Variants in KIF5C observed in about 807,000 individuals in gnomAD.
KIF5C encodes kinesin family member 5C.
Under a neutral mutation model 125.2 loss-of-function variants are expected in KIF5C, and 18 were observed. The observed-to-expected ratio is 0.14, with a 90% CI of 0.10 to 0.21. KIF5C has a LOEUF of 0.21. Among genes scored for constraint, KIF5C ranks in the 10% least tolerant of loss-of-function variants. KIF5C has a pLI of 1.00. For missense variants in KIF5C, 780 were observed against 1,183.8 expected, an observed-to-expected ratio of 0.66 and a Z score of 5.01; for synonymous variants, 405 against 434.0, an observed-to-expected ratio of 0.93 and a Z score of 0.83.
intron 12 of KIF5C, among the ~76,000 whole-genome samples, chr2:148,975,550 C>T (rs1681037030): frequency 6.6e-6 from 1 of 152,188 alleles, no homozygotes; most frequent in Admixed American, 6.5e-5. Flanking sequence ...ATTTTGCCCT[C>T]AGCCCTTTAA....
chr2:148,949,079 G>A (rs933156575), intron 8 of KIF5C, among the ~76,000 whole-genome samples: 8 of 152,042 alleles, frequency 5.3e-5, no homozygotes, highest in South Asian at 4.1e-4. Context: ...CCCCTGCATC[G>A]TTTGTCCAGT....
intron 16 of KIF5C, among the ~76,000 whole-genome samples, chr2:148,992,649 T>C (rs1681557493): frequency 6.6e-6 from 1 of 152,120 alleles, no homozygotes; most frequent in South Asian, 2.1e-4. Context: ...AAAATGAAAA[T>C]GCTGAGTTGG....
At chr2:148,929,788 A>G (rs1035175783) in intron 3 of KIF5C, among the ~76,000 whole-genome samples, 7 of 152,164 alleles carry the variant, frequency 4.6e-5, no homozygotes, top group African/African-American at 1.7e-4. Flanking sequence ...TTCAGCCCAC[A>G]GACATATTTT....
intron 11 of KIF5C, among the ~76,000 whole-genome samples, chr2:148,966,135 C>T (rs959722717): frequency 3.3e-5 from 5 of 152,154 alleles, no homozygotes; most frequent in African/African-American, 1.2e-4. Flanking sequence ...TCTAAACTTA[C>T]AGAAGGTGGC....
At chr2:148,997,386 C>T in intron 18 of KIF5C, 46 bp downstream of exon 18, 1 of 1,612,868 alleles carries the variant, frequency 6.2e-7, no homozygotes, top group Non-Finnish European at 8.5e-7. Context: ...GCATTTGATG[C>T]ATTTGGATTG....
intron 7 of KIF5C, among the ~76,000 whole-genome samples, chr2:148,943,355 A>G (rs978813417): frequency 1.3e-5 from 2 of 152,202 alleles, no homozygotes; most frequent in African/African-American, 4.8e-5. Flanking sequence ...TCAGGGAAGC[A>G]GTGCATATGG....
At chr2:148,975,744 A>G (rs1681044530) in intron 12 of KIF5C, among the ~76,000 whole-genome samples, 3 of 152,228 alleles carry the variant, frequency 2.0e-5, no homozygotes, top group Non-Finnish European at 2.9e-5. Flanking sequence ...ACCTGTAACA[A>G]TGACACTGAG....
At chr2:148,942,580 C>T (rs1450616948) in intron 6 of KIF5C, 93 bp from the exon 7 acceptor site, 61 of 1,532,690 alleles carry the variant, frequency 4.0e-5, no homozygotes, top group Non-Finnish European at 5.3e-5. Flanking sequence ...TTATCTGCAC[C>T]TCTAGAAGAT....
At chr2:148,971,631 A>G (rs1680912339) in intron 11 of KIF5C, among the ~76,000 whole-genome samples, 1 of 152,228 alleles carries the variant, frequency 6.6e-6, no homozygotes, top group Admixed American at 6.5e-5. Context: ...GGTTGGCTCA[A>G]TTTTGTATTC....
intron 10 of KIF5C, among the ~76,000 whole-genome samples, chr2:148,953,308 C>T (rs139330987): frequency 1.1e-4 from 16 of 152,356 alleles, no homozygotes; most frequent in Admixed American, 3.3e-4. Context: ...GATGCCATTA[C>T]GTCCAGAAGT....
intron 25 of KIF5C, among the ~76,000 whole-genome samples, chr2:149,020,633 G>A (rs1682505869): frequency 6.6e-6 from 1 of 152,132 alleles, no homozygotes; most frequent in South Asian, 2.1e-4. Flanking sequence ...ACAATCCAAG[G>A]TATGTGCTGG....
At chr2:148,983,412 A>T (rs1229488237) in intron 14 of KIF5C, among the ~76,000 whole-genome samples, 1 of 152,240 alleles carries the variant, frequency 6.6e-6, no homozygotes, top group Non-Finnish European at 1.5e-5. Context: ...CATATAATGT[A>T]TCAGGCCATG....
chr2:148,934,860 C>G lies in KIF5C; in HGVS notation c.292-2424C>G, dbSNP rs149311196. 1.4e-3 allele frequency among the ~76,000 whole-genome samples: 215 copies of G among 152,036 alleles called. 1 individual carries two copies. Among genetic ancestry groups the G allele is most frequent in the African/African-American group, 5.0e-3 (206 of 41,480 alleles). ...ATATCACACACAGACATATACTACA[C>G]ACATCACACATCCATATGCTCCCCT... On this transcript the variant is annotated intron_variant, in intron 3 of 25. Coordinates refer to ENST00000435030, the MANE Select transcript of KIF5C (RefSeq NM_004522.3).
At chr2:149,021,830 C>T (rs1364960105) in intron 25 of KIF5C, among the ~76,000 whole-genome samples, 2 of 151,390 alleles carry the variant, frequency 1.3e-5, no homozygotes, top group Non-Finnish European at 2.9e-5. Flanking sequence ...CTACCTCCCT[C>T]TTGTCATCCC....
At chr2:149,005,582 A>G (rs1367895717) in intron 22 of KIF5C, 118 bp downstream of exon 22, 2 of 1,405,808 alleles carry the variant, frequency 1.4e-6, no homozygotes, top group Non-Finnish European at 1.9e-6. Flanking sequence ...AAAATTAATT[A>G]CTGCACACCA....
intron 1 of KIF5C, among the ~76,000 whole-genome samples, chr2:148,916,265 T>A (rs73966644): frequency 2.6e-5 from 4 of 152,084 alleles, no homozygotes; most frequent in African/African-American, 9.7e-5. Context: ...GTAAAGCTGG[T>A]GAGTGTACAA....
chr2:148,997,164 A>G, intron 17 of KIF5C, 100 bp from the exon 18 acceptor site: 2 of 1,488,984 alleles, frequency 1.3e-6, no homozygotes, highest in Non-Finnish European at 1.8e-6. Flanking sequence ...CTGATGTTTC[A>G]CTCTGTTGCC....
At chr2:148,947,225 C>T (rs1682539234) in intron 8 of KIF5C, 2 of 739,750 alleles carry the variant, frequency 2.7e-6, no homozygotes, top group African/African-American at 1.8e-5. Flanking sequence ...GTGTCACAGG[C>T]AGGTGCTTTG....
At chr2:148,942,785 C>T (rs1682437680) in intron 7 of KIF5C, 25 bp downstream of exon 7, 2 of 1,595,706 alleles carry the variant, frequency 1.3e-6, no homozygotes, top group African/African-American at 1.3e-5. Context: ...GGTGTTTCCT[C>T]CCCTGCAGCT....
Sources: allele counts gnomAD v4.1 joint callset (sites outside exome capture counted in the v4.1 genomes callset), GRCh38; gene constraint gnomAD v4.1.1; transcripts MANE v1.5; gene names NCBI Gene and HGNC (gene_info 2026-07-23, HGNC 2026-07-21).